HHIPL1: variants seen among roughly 807,000 people sequenced by gnomAD.
HHIPL1 encodes HHIP like 1.
In HHIPL1, 43 loss-of-function variants were observed where a neutral mutation model predicts 61.8. The observed-to-expected ratio is 0.70, with a 90% CI of 0.55 to 0.90. HHIPL1 has a LOEUF of 0.90. Ranked by LOEUF, HHIPL1 falls within the 40% of genes least tolerant of loss-of-function variation. The probability of loss-of-function intolerance (pLI) is 0.00; values close to 1 mark genes in which losing one functional copy is unlikely to be tolerated. For synonymous variants in HHIPL1, 482 were observed against 515.8 expected (o/e 0.93, Z 0.89); for missense variants, 1,056 against 1,157.7 (o/e 0.91, Z 1.28).
At chr14:99,655,234 A>C (rs746787710) in intron 2 of HHIPL1, among the ~76,000 whole-genome samples, 2 of 152,250 alleles carry the variant, frequency 1.3e-5, no homozygotes, top group Non-Finnish European at 2.9e-5. Context: ...GGCCTCACAA[A>C]GAAAAGTCCT....
At chr14:99,673,776 TGG>T (rs2056353513) in intron 8 of HHIPL1, among the ~76,000 whole-genome samples, 4 of 8,020 alleles carry the variant, frequency 5.0e-4, no homozygotes, top group African/African-American at 1.9e-3. Flanking sequence ...ACGGAGGGGG[TGG>T]TGCATTAAGG....
chr14:99,614,504 T>A, the HHIPL1 span, among the ~76,000 whole-genome samples: 2 of 152,162 alleles, frequency 1.3e-5, no homozygotes, highest in East Asian at 3.9e-4. Context: ...CAGCCACCCT[T>A]AGAATCACCG....
intron 6 of HHIPL1, among the ~76,000 whole-genome samples, chr14:99,663,319 G>A (rs923764796): frequency 4.6e-5 from 7 of 152,192 alleles, no homozygotes; most frequent in Admixed American, 2.0e-4. Context: ...GAGCAGTCCC[G>A]AGGGCTGCTG....
At chr14:99,646,719 A>G (rs2055839611) in intron 1 of HHIPL1, among the ~76,000 whole-genome samples, 1 of 151,768 alleles carries the variant, frequency 6.6e-6, no homozygotes, top group African/African-American at 2.4e-5. Context: ...GGTTGCAGTG[A>G]GCCAAGATTG....
In HHIPL1 at chr14:99,652,754, C is replaced by T. The variant is rs775345533; in HGVS notation, c.786C>T (p.His262=). ...TTGCCTTCCACCCCAGCTTCCAGCA[C>T]AACCGCAGGCTCTACGTCTACTACT... The part of the protein sequence containing the change: ...LGIAFHPSFQ[H]NRRLYVYYSV... Residue 262 remains histidine (H), a synonymous_variant, in exon 2 of 9, where the codon CAC becomes CAT. Transcript: ENST00000330710. 1.2e-6 allele frequency: 2 copies of T among 1,613,920 alleles called. No homozygotes were observed. The highest frequency in any genetic ancestry group is 2.2e-5 in the East Asian group (1 of 44,892).
At chr14:99,659,276 C>T in intron 3 of HHIPL1, 152 bp from the exon 4 acceptor site, 2 of 553,312 alleles carry the variant, frequency 3.6e-6, no homozygotes, top group Middle Eastern at 4.8e-4. Context: ...GTAGTTAAGG[C>T]GGACAGCATC....
intron 2 of HHIPL1, among the ~76,000 whole-genome samples, chr14:99,653,585 G>T (rs770965537): frequency 2.0e-5 from 3 of 152,092 alleles, no homozygotes; most frequent in Non-Finnish European, 4.4e-5. Flanking sequence ...TGCCCGCCTC[G>T]GCCGAAGGTG....
At chr14:99,671,414 T>C (rs968558945) in intron 7 of HHIPL1, among the ~76,000 whole-genome samples, 1 of 152,210 alleles carries the variant, frequency 6.6e-6, no homozygotes, top group Non-Finnish European at 1.5e-5. Context: ...GAGAAGCGTA[T>C]GTGCCTGGTT....
chr14:99,671,774 C>T (rs2056328642), intron 7 of HHIPL1, among the ~76,000 whole-genome samples: 2 of 152,212 alleles, frequency 1.3e-5, no homozygotes, highest in Admixed American at 1.3e-4. Context: ...CTCAGCTCTG[C>T]CTCCAGGCAC....
chr14:99,658,904 A>G (rs1160477833), intron 3 of HHIPL1, among the ~76,000 whole-genome samples: 1 of 152,208 alleles, frequency 6.6e-6, no homozygotes, highest in East Asian at 1.9e-4. Flanking sequence ...CATTTTTTCT[A>G]GTGGAATTTT....
chr14:99,617,135 G>T, the HHIPL1 span, among the ~76,000 whole-genome samples: 3 of 152,176 alleles, frequency 2.0e-5, no homozygotes, highest in Non-Finnish European at 4.4e-5. Flanking sequence ...GAGTAGATCA[G>T]ATGAAAAATT....
the HHIPL1 span, among the ~76,000 whole-genome samples, chr14:99,632,053 A>G: frequency 1.3e-5 from 2 of 152,150 alleles, no homozygotes; most frequent in Non-Finnish European, 2.9e-5. Flanking sequence ...TGAGACCAGC[A>G]ACACCACTAG....
chr14:99,624,528 C>T, the HHIPL1 span, among the ~76,000 whole-genome samples: 1 of 152,216 alleles, frequency 6.6e-6, no homozygotes, highest in Non-Finnish European at 1.5e-5. Flanking sequence ...AGGCACACCC[C>T]ACCTCTTCTC....
rs2056375602 is a variant in HHIPL1, at chr14:99,675,303, G to A, written c.2026G>A (p.Val676Met). 3 of 1,328,016 alleles carry A rather than the reference G, an allele frequency of 2.3e-6. No individual in the cohort carries two copies. Among genetic ancestry groups the A allele is most frequent in the Non-Finnish European group, 1.9e-6 (2 of 1,039,882 alleles). 82.3% of individuals were successfully genotyped at this position (1,328,016 alleles called of 1,614,324 possible). Reference sequence around the variant, plus strand: ...GTTCCGGGATGGCGAGGTGCGCCTGGTGCGGCCCGCGGGCCTGAGCTCTGG... The same window carrying A: ...GTTCCGGGATGGCGAGGTGCGCCTGATGCGGCCCGCGGGCCTGAGCTCTGG... ...RAFRDGEVRLVRPAGLSSGSG... is the reference protein window; with the variant it reads ...RAFRDGEVRLMRPAGLSSGSG... The change falls in exon 9 of 9, where the codon GTG becomes ATG. Residue 676 changes from valine to methionine, a missense_variant. Coordinates refer to ENST00000330710, the MANE Select transcript of HHIPL1 (RefSeq NM_001127258.3). The surrounding 1 kb of genome is among the most constrained non-coding windows in gnomAD (Gnocchi z 5.4).
chr14:99,625,491 G>C, the HHIPL1 span: 1 of 152,306 alleles, frequency 6.6e-6, no homozygotes, highest in African/African-American at 2.4e-5. Context: ...GGGTTGCTGC[G>C]TCACTGGGGC....
chr14:99,645,571 G>T, intron 1 of HHIPL1, 109 bp downstream of exon 1: 1 of 1,146,660 alleles, frequency 8.7e-7, no homozygotes, highest in Non-Finnish European at 1.1e-6. Flanking sequence ...GCGGACTCGG[G>T]AACTCTAAGC....
At chr14:99,630,683 C>T in the HHIPL1 span, among the ~76,000 whole-genome samples, 2 of 152,096 alleles carry the variant, frequency 1.3e-5, no homozygotes, top group East Asian at 1.9e-4. Flanking sequence ...ACAGGACATG[C>T]GGCCTCCCGG....
rs888503807 is a variant in HHIPL1, at chr14:99,659,536, G to C, written c.1155G>C (p.Gln385His). Residue 385 changes from glutamine to histidine, a missense_variant, in exon 4 of 9, where the codon CAG becomes CAC. Transcript: ENST00000330710. Reference sequence around the variant, plus strand: ...CGTTCGTGGGCGACCCCGCGGCGCAGCCCGAGGTCTACGCCCTGGGCGTGC... The same window carrying C: ...CGTTCGTGGGCGACCCCGCGGCGCACCCCGAGGTCTACGCCCTGGGCGTGC... ...DNPFVGDPAA[Q>H]PEVYALGVRN... The C allele has an allele frequency of 3.9e-6, 6 of 1,544,734 alleles. No individual in the cohort carries two copies. Among genetic ancestry groups the C allele is most frequent in the Non-Finnish European group, 5.2e-6 (6 of 1,149,162 alleles).
At chr14:99,615,515 G>A in the HHIPL1 span, among the ~76,000 whole-genome samples, 1 of 151,744 alleles carries the variant, frequency 6.6e-6, no homozygotes, top group Non-Finnish European at 1.5e-5. Context: ...CTGCACTCCA[G>A]CTTGGGTGGC....
Sources: gnomAD v4.1 joint callset for allele counts (sites outside exome capture counted in the v4.1 genomes callset) on GRCh38, gnomAD v4.1.1 for gene constraint, Gnocchi (gnomAD v3.1) non-coding constraint, MANE v1.5 for transcripts, NCBI Gene and HGNC (gene_info 2026-07-23, HGNC 2026-07-21) for gene names.